Variants in EWSR1 observed in about 807,000 individuals in gnomAD.
The protein encoded by EWSR1 is EWS RNA binding protein 1.
Under a neutral mutation model 92.1 loss-of-function variants are expected in EWSR1, and 14 were observed. The ratio of observed to expected loss-of-function variants is 0.15; its 90% CI spans 0.10 to 0.24. EWSR1 has a LOEUF of 0.24. EWSR1 is among the 10% of genes least tolerant of loss of function. EWSR1 has a pLI of 1.00. For missense variants in EWSR1, 637 were observed against 870.9 expected, an observed-to-expected ratio of 0.73 and a Z score of 3.38; for synonymous variants, 303 against 292.9, an observed-to-expected ratio of 1.03 and a Z score of -0.35.
intron 10 of EWSR1, among the ~76,000 whole-genome samples, 152 bp from the exon 11 acceptor site, chr22:29,292,331 TAAGTG>T (rs2060499170): frequency 6.6e-6 from 1 of 152,232 alleles, no homozygotes; most frequent in African/African-American, 2.4e-5. Flanking sequence ...ATAATTGCCT[TAAGTG>T]AAGTAAACCA....
chr22:29,297,759 G>T, intron 12 of EWSR1, 68 bp from the exon 13 acceptor site: 1 of 1,590,130 alleles, frequency 6.3e-7, no homozygotes, highest in South Asian at 1.1e-5. Flanking sequence ...GTGGTCATTT[G>T]ATGATGATGT....
chr22:29,289,660 T>C (rs1479275350), intron 8 of EWSR1: 1 of 232,474 alleles, frequency 4.3e-6, no homozygotes, highest in Non-Finnish European at 8.5e-6. Flanking sequence ...GAATGTTAGA[T>C]ATTTACATTT....
chr22:29,296,436 G>A (rs1371018206), intron 12 of EWSR1, 68 bp downstream of exon 12: 1 of 1,582,620 alleles, frequency 6.3e-7, no homozygotes, highest in African/African-American at 1.3e-5. Flanking sequence ...AGAAACTTGT[G>A]AACCATAGGA....
intron 5 of EWSR1, among the ~76,000 whole-genome samples, chr22:29,280,859 G>GTTTTT (rs1316884921): frequency 5.5e-5 from 5 of 90,976 alleles, no homozygotes; most frequent in African/African-American, 7.9e-5. Context: ...GTGTGTGTGT[G>GTTTTT]TTGTTTTTTT....
At chr22:29,282,345 C>A in intron 5 of EWSR1, 45 bp from the exon 6 acceptor site, 1 of 1,493,380 alleles carries the variant, frequency 6.7e-7, no homozygotes, top group East Asian at 2.6e-5. Flanking sequence ...ACCAACCACA[C>A]AAAAAAAGTC....
chr22:29,285,184 C>A (rs888827988), intron 6 of EWSR1, among the ~76,000 whole-genome samples: 2 of 132,160 alleles, frequency 1.5e-5, no homozygotes, highest in African/African-American at 6.0e-5. Context: ...AGTGCAGTGG[C>A]GCTGTCTTGG....
At chr22:29,292,329 C>T (rs902940994) in intron 10 of EWSR1, among the ~76,000 whole-genome samples, 159 bp from the exon 11 acceptor site, 1 of 152,184 alleles carries the variant, frequency 6.6e-6, no homozygotes, top group African/African-American at 2.4e-5. Flanking sequence ...TCATAATTGC[C>T]TTAAGTGAAG....
At position 29,286,151 on chromosome 22, in the gene EWSR1, T is replaced by G. The variant is rs1009593173; in HGVS notation, c.582-772T>G. 9.6e-4 allele frequency among the ~76,000 whole-genome samples: 97 copies of G among 101,312 alleles called. 1 individual carries two copies. The highest frequency in any genetic ancestry group is 2.9e-3 in the African/African-American group (82 of 27,968). The allele number at this position is 101,312 out of a possible 152,430, so 66.5% of individuals were successfully genotyped here. On this transcript the variant is annotated intron_variant, in intron 6 of 16. Transcript: ENST00000397938. ...ACCGCACCCGGCCTGATTTTTTGGG[T>G]TTTTTTTTGGAGACGGAATCTTCAC...
chr22:29,289,706 A>C (rs1169995492), intron 8 of EWSR1: 1 of 232,488 alleles, frequency 4.3e-6, no homozygotes, highest in African/African-American at 2.2e-5. Flanking sequence ...AAAATTAAAT[A>C]GCATTTTTTA....
rs556992297 is a variant in EWSR1 at position 29,298,433 on chromosome 22, G to T, written c.1418-300G>T. Among the ~76,000 whole-genome samples, 8 of 152,190 alleles carry T rather than the reference G, an allele frequency of 5.3e-5. No individual in the cohort carries two copies. The South Asian group carries it at 6.2e-4, about 12-fold the overall frequency. Reference sequence around the variant, plus strand: ...AGGCAGGAGAATTGTTTGAATCTGGGGGGGTGGAGGTTGCAGTGAGCAAAG... The same window carrying T: ...AGGCAGGAGAATTGTTTGAATCTGGTGGGGTGGAGGTTGCAGTGAGCAAAG... On this transcript the variant is annotated intron_variant, in intron 13 of 16. Coordinates refer to ENST00000397938, the MANE Select transcript of EWSR1 (RefSeq NM_005243.4).
At chr22:29,273,331 G>A (rs1001350443) in intron 3 of EWSR1, among the ~76,000 whole-genome samples, 1 of 152,120 alleles carries the variant, frequency 6.6e-6, no homozygotes, top group East Asian at 1.9e-4. Context: ...ATTTGTCTTC[G>A]TACCTTTTGT....
At chr22:29,277,448 C>T in intron 4 of EWSR1, 1 of 224,390 alleles carries the variant, frequency 4.5e-6, no homozygotes, top group Non-Finnish European at 8.9e-6. Flanking sequence ...TTTTATTAAT[C>T]ATGTGCTCAA....
At chr22:29,275,802 C>A (rs931187010) in intron 4 of EWSR1, 9 of 230,596 alleles carry the variant, frequency 3.9e-5, no homozygotes, top group Non-Finnish European at 6.9e-5. Flanking sequence ...TTCTTAAAAA[C>A]TTCTTAATTT....
chr22:29,275,756 G>A (rs1041494345), intron 4 of EWSR1: 3 of 229,130 alleles, frequency 1.3e-5, no homozygotes, highest in African/African-American at 4.4e-5. Flanking sequence ...TTAAACTTCA[G>A]AAGAAAGGGG....
intron 6 of EWSR1, among the ~76,000 whole-genome samples, chr22:29,284,485 A>G (rs1363435036): frequency 6.6e-6 from 1 of 151,226 alleles, no homozygotes; most frequent in Non-Finnish European, 1.5e-5. Flanking sequence ...AGGGCTTACA[A>G]CCCTTCTTCC....
rs1019007413 is a variant in EWSR1, at chr22:29,293,428, A to G, written c.1164+822A>G. On this transcript the variant is annotated intron_variant, in intron 11 of 16. Coordinates refer to ENST00000397938, the MANE Select transcript of EWSR1 (RefSeq NM_005243.4). ...GTATTAGAGTTAGTTTATGAACCCC[A>G]TAAACCTCAAAACCTTAAAACCCCA... Among the ~76,000 whole-genome samples, 3 of 152,362 alleles carry G rather than the reference A, an allele frequency of 2.0e-5. No homozygotes were observed. The South Asian group carries it at 6.2e-4, about 32-fold the overall frequency.
intron 5 of EWSR1, 25 bp downstream of exon 5, chr22:29,278,241 G>A (rs780584097): frequency 3.0e-5 from 48 of 1,607,078 alleles, no homozygotes; most frequent in East Asian, 8.9e-5. Context: ...TCCTTAATGC[G>A]TCAGTCTTAT....
At chr22:29,276,149 G>T (rs1364628070) in intron 4 of EWSR1, 1 of 230,836 alleles carries the variant, frequency 4.3e-6, no homozygotes, top group African/African-American at 2.2e-5. Context: ...TTTTTTAATT[G>T]CCCTCCTTGT....
At chr22:29,288,069 C>T (rs1003275663) in intron 7 of EWSR1, among the ~76,000 whole-genome samples, 8 of 152,186 alleles carry the variant, frequency 5.3e-5, no homozygotes, top group Non-Finnish European at 8.8e-5. Flanking sequence ...AAAAATAATC[C>T]TCCTCACAGA....
Sources: gnomAD v4.1 joint callset for allele counts (sites outside exome capture counted in the v4.1 genomes callset) on GRCh38, gnomAD v4.1.1 for gene constraint, MANE v1.5 for transcripts, NCBI Gene and HGNC (gene_info 2026-07-23, HGNC 2026-07-21) for gene names.